RFC5: variants seen among roughly 807,000 people sequenced by gnomAD.
The protein encoded by RFC5 is A1 36 kDa subunit.
Under a neutral mutation model 44.3 loss-of-function variants are expected in RFC5, and 26 were observed. The ratio of observed to expected loss-of-function variants is 0.59; its 90% CI spans 0.43 to 0.81. The LOEUF (loss-of-function observed/expected upper bound fraction) is 0.81. Among genes scored for constraint, RFC5 ranks in the 40% least tolerant of loss-of-function variants. The pLI is 0.00. For missense variants in RFC5, 328 were observed against 418.6 expected (o/e 0.78, Z 1.89); for synonymous variants, 155 against 155.2 (o/e 1.00, Z 0.01).
At chr12:118,036,225 T>C, downstream of RFC5, 1 of 1,305,362 alleles carries the variant, frequency 7.7e-7, no homozygotes, top group Non-Finnish European at 1.1e-6. Flanking sequence ...TGTGCCTTTT[T>C]ATCCAGCTTG....
chr12:118,025,627 T>A, intron 6 of RFC5, 120 bp from the exon 7 acceptor site: 1 of 660,882 alleles, frequency 1.5e-6, no homozygotes. Flanking sequence ...GATTATTAAC[T>A]CTGTTCCTCT....
chr12:118,028,517 G>A (rs1593452190), intron 9 of RFC5, among the ~76,000 whole-genome samples: 1 of 150,708 alleles, frequency 6.6e-6, no homozygotes, highest in African/African-American at 2.4e-5. Context: ...CAAAAAACGT[G>A]TTCCATAAAC....
At chr12:118,039,138 C>T in the RFC5 span, among the ~76,000 whole-genome samples, 3 of 152,076 alleles carry the variant, frequency 2.0e-5, no homozygotes, top group African/African-American at 7.2e-5. Flanking sequence ...AGACTGTCAC[C>T]CTCCCAGCCT....
chr12:118,027,443 C>CG (rs58522399), intron 8 of RFC5: 55,257 of 162,986 alleles, frequency 0.34, 9,725 homozygotes, highest in East Asian at 0.51. Flanking sequence ...GAGGCTGAGG[C>CG]GGTAGATCAC....
downstream of RFC5, chr12:118,036,197 G>C: frequency 9.8e-7 from 1 of 1,023,828 alleles, no homozygotes; most frequent in Non-Finnish European, 1.4e-6. Flanking sequence ...GCGAGACTCC[G>C]TCTCAAAAGA....
At chr12:118,034,097 T>G, downstream of RFC5, 1 of 1,475,600 alleles carries the variant, frequency 6.8e-7, no homozygotes, top group Non-Finnish European at 9.4e-7. Flanking sequence ...AAAGAAATGC[T>G]ATTTCAATGC....
At chr12:118,033,955 A>G (rs10638), downstream of RFC5, 179,641 of 516,872 alleles carry the variant, frequency 0.35, 32,876 homozygotes, top group East Asian at 0.52. Context: ...CTGGACTGAA[A>G]ATTTAACGTA....
downstream of RFC5, among the ~76,000 whole-genome samples, chr12:118,036,782 G>A (rs763182008): frequency 3.3e-5 from 5 of 152,328 alleles, no homozygotes; most frequent in East Asian, 1.9e-4. Flanking sequence ...CTGCTGAAAC[G>A]CATGTGCAGA....
At chr12:118,030,600 G>T (rs767521261) in intron 10 of RFC5, among the ~76,000 whole-genome samples, 1 of 152,146 alleles carries the variant, frequency 6.6e-6, no homozygotes, top group Non-Finnish European at 1.5e-5. Flanking sequence ...TGTATAGTTA[G>T]GACAAAGTTA....
Position 118,024,866 on chromosome 12 carries a change from C to A in RFC5, c.437C>A (p.Thr146Lys). ...NALRRVIEKF[T>K]ENTRFCLICN... ...CTCTTACTAGTAATTGAGAAATTCACAGAAAATACCAGATTCTGCCTCATC... is the reference window on the plus strand; with the variant it reads ...CTCTTACTAGTAATTGAGAAATTCAAAGAAAATACCAGATTCTGCCTCATC... Residue 146 changes from threonine to lysine, a missense_variant, in exon 6 of 11, where the codon ACA (threonine) becomes AAA (lysine). By Grantham distance (78) the Thr-to-Lys change is moderately conservative. Coordinates refer to ENST00000454402, the MANE Select transcript of RFC5 (RefSeq NM_007370.7). 1 of 1,606,230 alleles carries A rather than the reference C, an allele frequency of 6.2e-7. No homozygotes were observed.
At chr12:118,017,676 T>A in intron 1 of RFC5, 1 of 297,808 alleles carries the variant, frequency 3.4e-6, no homozygotes, top group Non-Finnish European at 5.0e-6. Flanking sequence ...TATTTACGTA[T>A]TTTTTTTTTT....
At chr12:118,034,017 A>G (rs1001032612), downstream of RFC5, 1 of 804,540 alleles carries the variant, frequency 1.2e-6, no homozygotes, top group Non-Finnish European at 2.0e-6. Context: ...TGACTTTCAC[A>G]TGCCAGGGAG....
At position 118,019,569 on chromosome 12, in the gene RFC5, G is replaced by T. The variant is rs910920269; in HGVS notation, c.131-63G>T. 2.5e-6 allele frequency: 4 copies of T among 1,598,292 alleles called. No homozygotes were observed. In the Admixed American group the frequency reaches 5.1e-5, roughly 20 times the overall value. On this transcript the variant is annotated intron_variant, in intron 2 of 10. Coordinates refer to ENST00000454402, the MANE Select transcript of RFC5 (RefSeq NM_007370.7). This position sits in a 1 kb window ranked among gnomAD's most constrained non-coding sequence, Gnocchi z 4.2. ...GAAGAGCTTTCAGCCCAACTCAGGA[G>T]CCCAGGGTGAATGAGGCAGCTCCCA...
At chr12:118,021,083 GA>G (rs1393975086) in intron 4 of RFC5, 98 bp downstream of exon 4, 184 of 614,674 alleles carry the variant, frequency 3.0e-4, no homozygotes, top group South Asian at 6.5e-4. Flanking sequence ...TATATGGGTT[GA>G]AAAAAAAAGT....
At position 118,031,215 on chromosome 12, in the gene RFC5, C is replaced by G. The variant is rs761677922; in HGVS notation, c.960C>G (p.Ile320Met). 1.2e-6 allele frequency: 2 copies of G among 1,613,942 alleles called. No homozygotes were observed. The highest frequency in any genetic ancestry group is 3.3e-5 in the Admixed American group (2 of 59,994). ...YRLSVGTNEK[I>M]QLSSLIAAFQ... Reference sequence around the variant, plus strand: ...TTTCTGTTGGCACCAACGAGAAGATCCAGCTGAGCTCCCTCATTGCTGCAT... The same window carrying G: ...TTTCTGTTGGCACCAACGAGAAGATGCAGCTGAGCTCCCTCATTGCTGCAT... Residue 320 changes from isoleucine (I) to methionine (M), a missense_variant, in exon 11 of 11, where the codon ATC becomes ATG. Coordinates refer to ENST00000454402, the MANE Select transcript of RFC5 (RefSeq NM_007370.7).
chr12:118,024,093 G>A (rs1359405888), intron 5 of RFC5, among the ~76,000 whole-genome samples: 1 of 152,018 alleles, frequency 6.6e-6, no homozygotes, highest in East Asian at 1.9e-4. Flanking sequence ...GCTCATGCCT[G>A]TAATCCCAAA....
chr12:118,026,230 A>G (rs1045112924), intron 7 of RFC5, among the ~76,000 whole-genome samples: 6 of 152,134 alleles, frequency 3.9e-5, no homozygotes, highest in Admixed American at 3.9e-4. Context: ...AAATTTTGAA[A>G]TCTACAGCTG....
At chr12:118,030,576 A>G (rs191065538) in intron 10 of RFC5, among the ~76,000 whole-genome samples, 1 of 152,306 alleles carries the variant, frequency 6.6e-6, no homozygotes, top group African/African-American at 2.4e-5. Context: ...TTCATTACAT[A>G]AATTTTGTAT....
chr12:118,017,590 G>A, intron 1 of RFC5: 1 of 919,784 alleles, frequency 1.1e-6, no homozygotes, highest in Non-Finnish European at 1.4e-6. Context: ...AGTTGTCATT[G>A]TCTAGTAACT....
Sources: allele counts gnomAD v4.1 joint callset (sites outside exome capture counted in the v4.1 genomes callset), GRCh38; gene constraint gnomAD v4.1.1; non-coding constraint Gnocchi (gnomAD v3.1); transcripts MANE v1.5; gene names NCBI Gene and HGNC (gene_info 2026-07-23, HGNC 2026-07-21).